SP140: variants seen among roughly 807,000 people sequenced by gnomAD.
SP140 encodes the protein SP140 nuclear body protein.
Under a neutral mutation model 125.0 loss-of-function variants are expected in SP140, and 81 were observed. The ratio of observed to expected loss-of-function variants is 0.65; its 90% confidence interval spans 0.54 to 0.78. The LOEUF is 0.78. SP140 is among the 30% of genes least tolerant of loss of function. SP140 has a pLI of 0.00. For missense variants in SP140, 858 were observed against 1,037.0 expected (o/e 0.83, Z 2.37); for synonymous variants, 312 against 354.0 (o/e 0.88, Z 1.33).
Position 230,214,822 on chromosome 2 carries a change from A to C in SP140, c.-91+748A>C, listed in dbSNP as rs554283705. 1.6e-5 allele frequency: 12 copies of C among 772,096 alleles called. No individual in the cohort carries two copies. The East Asian group carries it at 3.1e-4, about 20-fold the overall frequency. 47.8% of individuals were successfully genotyped at this position (772,096 alleles called of 1,614,324 possible). ...CTCCTGCAGCTGTACCAATGAGAGA[A>C]TATGGTCCATTCCACCCCAGAGAGA... is the stretch of plus-strand genomic sequence containing the variant. On this transcript the variant is annotated intron_variant, in intron 3 of 4. Coordinates refer to the SP140 transcript ENST00000456542.
chr2:230,224,546 G>T (rs541320848), upstream of SP140, among the ~76,000 whole-genome samples: 2 of 151,436 alleles, frequency 1.3e-5, no homozygotes, highest in Non-Finnish European at 2.9e-5. Context: ...GAGAGAGAGA[G>T]ATACTGGAAA....
At chr2:230,280,995 C>T (rs1050415385) in intron 15 of SP140, among the ~76,000 whole-genome samples, 6 of 151,904 alleles carry the variant, frequency 3.9e-5, no homozygotes, top group Non-Finnish European at 8.8e-5. Context: ...AATTCCAGGT[C>T]GATAATTTAT....
intron 22 of SP140, among the ~76,000 whole-genome samples, chr2:230,305,728 G>C (rs2058700205): frequency 6.6e-6 from 1 of 152,234 alleles, no homozygotes; most frequent in Non-Finnish European, 1.5e-5. Context: ...GGAAGTGGGA[G>C]TGGCGCCCAC....
intron 19 of SP140, among the ~76,000 whole-genome samples, chr2:230,290,875 G>T (rs1241302310): frequency 6.6e-6 from 1 of 152,114 alleles, no homozygotes; most frequent in East Asian, 1.9e-4. Context: ...CCTCAACCTC[G>T]ACCTTCATAT....
At chr2:230,288,054 C>A in intron 18 of SP140, 88 bp downstream of exon 18, 1 of 1,138,122 alleles carries the variant, frequency 8.8e-7, no homozygotes, top group Non-Finnish European at 1.2e-6. Flanking sequence ...AAACCCATTT[C>A]CTTAATTGTT....
chr2:230,260,173 G>T (rs2051985732), intron 12 of SP140, among the ~76,000 whole-genome samples: 1 of 152,120 alleles, frequency 6.6e-6, no homozygotes, highest in Non-Finnish European at 1.5e-5. Context: ...GTTTTGATTT[G>T]CATTTCCCTG....
intron 1 of SP140, chr2:230,208,044 C>A: frequency 6.4e-7 from 1 of 1,553,014 alleles, no homozygotes; most frequent in Non-Finnish European, 8.9e-7. Flanking sequence ...CCAGATACAT[C>A]TTTTTCTTTT....
At chr2:230,261,505 GA>G (rs2052235033) in intron 12 of SP140, among the ~76,000 whole-genome samples, 1 of 152,104 alleles carries the variant, frequency 6.6e-6, no homozygotes. Context: ...GAGGAGTGGC[GA>G]GAGTGGGCAT....
At chr2:230,269,437 C>A in intron 12 of SP140, 95 bp from the exon 13 acceptor site, 1 of 795,064 alleles carries the variant, frequency 1.3e-6, no homozygotes, top group Non-Finnish European at 2.2e-6. Context: ...TTCATCTTAG[C>A]TCAGAATATC....
chr2:230,193,921 C>A, the SP140 span, among the ~76,000 whole-genome samples: 1 of 152,112 alleles, frequency 6.6e-6, no homozygotes, highest in South Asian at 2.1e-4. Context: ...TTACCTGTAC[C>A]TATCAAAAGA....
chr2:230,226,052 T>G, intron 1 of SP140, 149 bp downstream of exon 1: 1 of 670,062 alleles, frequency 1.5e-6, no homozygotes, highest in Non-Finnish European at 2.6e-6. Flanking sequence ...ATTTTTTAAA[T>G]TGCAGGGATT....
downstream of SP140, among the ~76,000 whole-genome samples, chr2:230,314,837 C>T (rs777659684): frequency 3.9e-5 from 6 of 152,306 alleles, no homozygotes; most frequent in African/African-American, 9.6e-5. Context: ...ATGGTGGCTG[C>T]CCCCTGCAAG....
chr2:230,216,722 T>A, intron 3 of SP140: 1 of 1,603,026 alleles, frequency 6.2e-7, no homozygotes, highest in Non-Finnish European at 8.5e-7. Context: ...TTTGAGACTT[T>A]AATAATCAGG....
At chr2:230,283,234 C>T (rs990568334) in intron 15 of SP140, among the ~76,000 whole-genome samples, 4 of 152,188 alleles carry the variant, frequency 2.6e-5, no homozygotes, top group African/African-American at 2.4e-5. Context: ...ATCACCAATG[C>T]TCCTGTTTTC....
intron 14 of SP140, among the ~76,000 whole-genome samples, chr2:230,270,185 G>A (rs1185392258): frequency 1.3e-5 from 2 of 152,144 alleles, no homozygotes; most frequent in East Asian, 1.9e-4. Flanking sequence ...CTTTGCAATG[G>A]CACTTATCTT....
At chr2:230,250,950 AT>A (rs1187143175) in intron 9 of SP140, 30 bp from the exon 10 acceptor site, 5 of 1,611,366 alleles carry the variant, frequency 3.1e-6, no homozygotes, top group Non-Finnish European at 4.2e-6. Context: ...TCTCTTCATA[AT>A]TTCTTGAGGG....
chr2:230,304,872 G>A (rs906232826), intron 22 of SP140, among the ~76,000 whole-genome samples: 3 of 152,068 alleles, frequency 2.0e-5, no homozygotes, highest in Admixed American at 6.6e-5. Flanking sequence ...GACCAAAAAC[G>A]CAAAAGCAAA....
At chr2:230,316,025 T>C (rs2059481484), downstream of SP140, among the ~76,000 whole-genome samples, 1 of 152,226 alleles carries the variant, frequency 6.6e-6, no homozygotes, top group Admixed American at 6.5e-5. Context: ...TCTCAAGGAT[T>C]GGACAACAGT....
chr2:230,279,735 C>T (rs2055244298), intron 15 of SP140, among the ~76,000 whole-genome samples: 1 of 152,076 alleles, frequency 6.6e-6, no homozygotes, highest in Non-Finnish European at 1.5e-5. Context: ...CCCCAAAGTC[C>T]ACTTGCATTC....
Sources: allele counts gnomAD v4.1 joint callset (sites outside exome capture counted in the v4.1 genomes callset), GRCh38; gene constraint gnomAD v4.1.1; transcripts MANE v1.5; gene names NCBI Gene and HGNC (gene_info 2026-07-23, HGNC 2026-07-21).